The following GUCY1A2 variants were observed in gnomAD, a reference collection of about 807,000 sequenced individuals.
The protein encoded by GUCY1A2 is guanylate cyclase soluble subunit alpha-2.
A neutral mutation model predicts 63.5 loss-of-function variants in GUCY1A2; 27 were observed. The ratio of observed to expected loss-of-function variants is 0.43; its 90% CI spans 0.31 to 0.59. The LOEUF (loss-of-function observed/expected upper bound fraction) is 0.59. GUCY1A2 is among the 20% of genes least tolerant of loss of function. The pLI is 0.11. For synonymous variants in GUCY1A2, 364 were observed against 343.5 expected (o/e 1.06, Z -0.66); for missense variants, 768 against 913.3 (o/e 0.84, Z 2.05).
chr11:106,938,944 G>A (rs146541549), intron 4 of GUCY1A2, among the ~76,000 whole-genome samples: 1,969 of 152,184 alleles, frequency 0.013, 27 homozygotes, highest in South Asian at 0.048. Flanking sequence ...CAGAAGTCTC[G>A]AGATAGTCAA....
intron 1 of GUCY1A2, among the ~76,000 whole-genome samples, chr11:106,999,364 C>A (rs1053506226): frequency 6.6e-6 from 1 of 152,108 alleles, no homozygotes. Context: ...AATACCAAGG[C>A]AGAAACTGAT....
intron 4 of GUCY1A2, among the ~76,000 whole-genome samples, chr11:106,836,692 G>T (rs182285037): frequency 3.3e-5 from 5 of 151,888 alleles, no homozygotes; most frequent in African/African-American, 1.2e-4. Flanking sequence ...CTGGAGAGAT[G>T]AACTGCTCAT....
At chr11:106,866,545 C>T (rs553387027) in intron 4 of GUCY1A2, among the ~76,000 whole-genome samples, 5 of 152,082 alleles carry the variant, frequency 3.3e-5, no homozygotes, top group East Asian at 1.9e-4. Context: ...CACTGAAAAT[C>T]GCCAGTTCCC....
At chr11:106,710,245 AGT>A (rs1863088453) in intron 6 of GUCY1A2, among the ~76,000 whole-genome samples, 1 of 15,028 alleles carries the variant, frequency 6.7e-5, no homozygotes, top group Non-Finnish European at 9.8e-5. Context: ...TATAATATAT[AGT>A]TATATATTAT....
At chr11:106,914,083 G>A (rs747081805) in intron 4 of GUCY1A2, among the ~76,000 whole-genome samples, 13 of 151,758 alleles carry the variant, frequency 8.6e-5, no homozygotes, top group African/African-American at 2.7e-4. Context: ...GAGGGCCAGT[G>A]AGACAGAAAG....
At chr11:106,746,667 CA>C (rs1393275487) in intron 6 of GUCY1A2, 5 of 1,308,914 alleles carry the variant, frequency 3.8e-6, no homozygotes, top group Non-Finnish European at 5.4e-6. Context: ...ACCGAGACAC[CA>C]AGTGAATCAA....
Position 106,842,179 on chromosome 11 carries a change from T to C in GUCY1A2, c.1207-31701A>G, listed in dbSNP as rs551007659. ...GGCAAGAGATCCCACAGTGGGCCCT[T>C]CCCACTGTTAAAGCTTTCCCTAGGT... On this transcript the variant is annotated intron_variant, in intron 4 of 7. Transcript: ENST00000526355. 1.2e-4 allele frequency among the ~76,000 whole-genome samples: 18 copies of C among 152,032 alleles called. No individual in the cohort carries two copies. In the East Asian group the frequency reaches 3.3e-3, roughly 28 times the overall value.
chr11:106,814,132 G>T (rs998986420), intron 4 of GUCY1A2, among the ~76,000 whole-genome samples: 1 of 152,106 alleles, frequency 6.6e-6, no homozygotes, highest in Non-Finnish European at 1.5e-5. Flanking sequence ...TTAAAGAGAT[G>T]TTCACAATGG....
At chr11:106,991,302 T>G (rs922586338) in intron 1 of GUCY1A2, among the ~76,000 whole-genome samples, 5 of 152,200 alleles carry the variant, frequency 3.3e-5, no homozygotes, top group African/African-American at 7.2e-5. Context: ...CTGGCCATTA[T>G]TTTGTTTATT....
chr11:106,782,349 T>C (rs1864479778), intron 5 of GUCY1A2, among the ~76,000 whole-genome samples: 1 of 152,192 alleles, frequency 6.6e-6, no homozygotes. Context: ...TGGAATAAGA[T>C]GTAGGCAGAC....
At chr11:106,748,998 G>T (rs1863838483) in intron 6 of GUCY1A2, among the ~76,000 whole-genome samples, 1 of 151,980 alleles carries the variant, frequency 6.6e-6, no homozygotes, top group African/African-American at 2.4e-5. Flanking sequence ...ATAATGATGG[G>T]CTCACATATA....
chr11:106,987,177 G>T (rs1008704811), intron 1 of GUCY1A2, among the ~76,000 whole-genome samples: 2 of 152,118 alleles, frequency 1.3e-5, no homozygotes, highest in African/African-American at 4.8e-5. Context: ...GAATTCTTGG[G>T]GAATACGAAT....
chr11:106,725,397 C>T lies in GUCY1A2; in HGVS notation c.1837-16731G>A, dbSNP rs1395866964. ...CCGTTTTAGCCGGGATGGTCTCGATCTCCTGACCTCGTGATCCGCCCGCCT... is the reference window on the plus strand; with the variant it reads ...CCGTTTTAGCCGGGATGGTCTCGATTTCCTGACCTCGTGATCCGCCCGCCT... On this transcript the variant is annotated intron_variant, in intron 6 of 7. Transcript: ENST00000526355. 4.2e-5 allele frequency among the ~76,000 whole-genome samples: 2 copies of T among 47,324 alleles called. 1 individual carries two copies. Among genetic ancestry groups the T allele is most frequent in the Non-Finnish European group, 1.0e-4 (2 of 19,850 alleles). 31.0% of individuals were successfully genotyped at this position (47,324 alleles called of 152,430 possible).
At chr11:106,733,036 G>A (rs1863530383) in intron 6 of GUCY1A2, among the ~76,000 whole-genome samples, 1 of 152,132 alleles carries the variant, frequency 6.6e-6, no homozygotes, top group Non-Finnish European at 1.5e-5. Context: ...AAGATTATTT[G>A]TTATACTTTC....
chr11:106,927,486 T>C (rs1591330759), intron 4 of GUCY1A2, among the ~76,000 whole-genome samples: 2 of 152,300 alleles, frequency 1.3e-5, no homozygotes, highest in African/African-American at 2.4e-5. Flanking sequence ...CAAAATTTTC[T>C]TTTTGAGTTG....
chr11:106,780,869 T>C (rs1864447232), intron 5 of GUCY1A2, among the ~76,000 whole-genome samples: 1 of 152,174 alleles, frequency 6.6e-6, no homozygotes, highest in Non-Finnish European at 1.5e-5. Flanking sequence ...CACAACAGTC[T>C]TAATGCAGCT....
chr11:106,688,842 G>A (rs1254508171), intron 7 of GUCY1A2, among the ~76,000 whole-genome samples: 3 of 152,032 alleles, frequency 2.0e-5, no homozygotes, highest in Admixed American at 6.6e-5. Flanking sequence ...GTAACCAAAG[G>A]GTTAGAAACA....
In GUCY1A2 at chr11:106,678,247, A is replaced by G. The variant is rs911438005; in HGVS notation, c.*9302T>C. ...TTCTTTTTGAGAATACTTTGTAGTCAAAGAATACAAAAGCAATTTATCTGA... is the reference window on the plus strand; with the variant it reads ...TTCTTTTTGAGAATACTTTGTAGTCGAAGAATACAAAAGCAATTTATCTGA... On this transcript the variant is annotated 3_prime_UTR_variant, in exon 8 of 8. Transcript: ENST00000526355. 5.0e-6 allele frequency: 1 copy of G among 201,402 alleles called. No homozygotes were observed. The highest frequency in any genetic ancestry group is 2.3e-5 in the African/African-American group (1 of 43,632). The allele number at this position is 201,402 out of a possible 1,614,324, so 12.5% of individuals were successfully genotyped here.
intron 6 of GUCY1A2, among the ~76,000 whole-genome samples, chr11:106,746,258 T>C (rs2135382000): frequency 6.6e-6 from 1 of 152,302 alleles, no homozygotes; most frequent in African/African-American, 2.4e-5. Context: ...TATTACCATG[T>C]GACTGGGGCA....
Sources: gnomAD v4.1 joint callset for allele counts (sites outside exome capture counted in the v4.1 genomes callset) on GRCh38, gnomAD v4.1.1 for gene constraint, MANE v1.5 for transcripts, NCBI Gene and HGNC (gene_info 2026-07-23, HGNC 2026-07-21) for gene names.